The following CCSER1 variants were observed in gnomAD, a reference collection of about 807,000 sequenced individuals.
The protein encoded by CCSER1 is coiled-coil serine rich protein 1, also known as serine-rich coiled-coil domain-containing protein 1.
A neutral mutation model predicts 82.0 loss-of-function variants in CCSER1; 41 were observed. The ratio of observed to expected loss-of-function variants is 0.50; its 90% CI spans 0.39 to 0.65. The LOEUF (loss-of-function observed/expected upper bound fraction) is 0.65, where lower values mean the gene tolerates loss of function less well. CCSER1 is among the 30% of genes least tolerant of loss of function. The pLI is 0.00. For missense variants in CCSER1, 1,119 were observed against 1,064.2 expected, an observed-to-expected ratio of 1.05 and a Z score of -0.72; for synonymous variants, 414 against 383.9, an observed-to-expected ratio of 1.08 and a Z score of -0.92.
At chr4:91,134,103 A>C (rs1728246739) in intron 10 of CCSER1, among the ~76,000 whole-genome samples, 1 of 152,208 alleles carries the variant, frequency 6.6e-6, no homozygotes, top group Non-Finnish European at 1.5e-5. Context: ...TGTCTCAAAA[A>C]AAGAGTAGTG....
chr4:90,559,633 C>T (rs994959376), intron 5 of CCSER1, among the ~76,000 whole-genome samples: 34 of 151,724 alleles, frequency 2.2e-4, no homozygotes, highest in African/African-American at 6.8e-4. Flanking sequence ...CCAGCCTGGG[C>T]AATATGGCAA....
At chr4:90,798,636 A>T (rs547011114) in intron 7 of CCSER1, among the ~76,000 whole-genome samples, 1 of 152,282 alleles carries the variant, frequency 6.6e-6, no homozygotes, top group African/African-American at 2.4e-5. Flanking sequence ...GATATTGCTG[A>T]CATTTGCATG....
At chr4:90,918,469 G>C (rs1727853374) in intron 8 of CCSER1, 1 of 329,530 alleles carries the variant, frequency 3.0e-6, no homozygotes, top group Non-Finnish European at 6.0e-6. Context: ...CATTTTAAAA[G>C]CCAGTTGTAC....
At chr4:91,418,233 G>A (rs1397397805) in intron 10 of CCSER1, among the ~76,000 whole-genome samples, 1 of 131,498 alleles carries the variant, frequency 7.6e-6, no homozygotes, top group Non-Finnish European at 1.6e-5. Flanking sequence ...ATACAGATTA[G>A]AACTGAAATA....
chr4:90,734,249 T>C (rs754439353), intron 7 of CCSER1, among the ~76,000 whole-genome samples: 10 of 151,806 alleles, frequency 6.6e-5, no homozygotes, highest in Admixed American at 1.3e-4. Context: ...CCTCTGCCTC[T>C]CAAGTAGCTG....
intron 10 of CCSER1, among the ~76,000 whole-genome samples, chr4:91,295,479 T>C (rs114263905): frequency 0.011 from 1,695 of 152,056 alleles, 12 homozygotes; most frequent in Non-Finnish European, 0.017. Flanking sequence ...GTTATCTAAA[T>C]GGTTATATAT....
At chr4:90,314,147 T>G (rs1332551168) in intron 3 of CCSER1, among the ~76,000 whole-genome samples, 2 of 152,180 alleles carry the variant, frequency 1.3e-5, no homozygotes, top group Non-Finnish European at 2.9e-5. Flanking sequence ...CCTGGGCAAA[T>G]TTGTAACCAC....
intron 10 of CCSER1, chr4:91,130,050 A>C (rs774544825): frequency 2.6e-5 from 4 of 151,958 alleles, no homozygotes; most frequent in Non-Finnish European, 5.9e-5. Context: ...ATACATTTTA[A>C]TATACAATTT....
At chr4:91,096,621 C>T (rs184683507) in intron 10 of CCSER1, among the ~76,000 whole-genome samples, 25 of 152,220 alleles carry the variant, frequency 1.6e-4, no homozygotes, top group African/African-American at 4.6e-4. Flanking sequence ...ACCTCTAATT[C>T]GGGCCAATCT....
chr4:91,498,446 G>C (rs1305365168), intron 10 of CCSER1, among the ~76,000 whole-genome samples: 2 of 121,772 alleles, frequency 1.6e-5, no homozygotes, highest in Admixed American at 1.7e-4. Context: ...CATCGTCTTT[G>C]TTCTATTTAT....
At chr4:91,023,605 T>G (rs1457326379) in intron 9 of CCSER1, among the ~76,000 whole-genome samples, 1 of 152,196 alleles carries the variant, frequency 6.6e-6, no homozygotes, top group Non-Finnish European at 1.5e-5. Flanking sequence ...GCTAGTCATA[T>G]GCAGAAAGCT....
Position 90,692,035 on chromosome 4 carries a change from GTATATATATATATATA to G in CCSER1, c.1933-31859_1933-31844del, listed in dbSNP as rs60193331. ...AATATTCTTTTACAATTCAATGTGT[GTATATATATATATATA>G]TATATATATATATATATATGATAAA... On this transcript the variant is annotated intron_variant, in intron 6 of 10. Coordinates refer to ENST00000509176, the MANE Select transcript of CCSER1 (RefSeq NM_001145065.2). Among the ~76,000 whole-genome samples, 1,186 of 142,924 alleles carry G rather than the reference GTATATATATATATATA, an allele frequency of 8.3e-3. 1 individual carries two copies. Among genetic ancestry groups the G allele is most frequent in the Middle Eastern group, 0.023 (6 of 266 alleles). The allele number at this position is 142,924 out of a possible 152,430, so 93.8% of individuals were successfully genotyped here. A position where few individuals can be genotyped will look rare whatever the true frequency, so the allele number is the denominator to read the frequency against.
intron 5 of CCSER1, among the ~76,000 whole-genome samples, chr4:90,611,459 C>T (rs1785489173): frequency 6.6e-6 from 1 of 151,934 alleles, no homozygotes; most frequent in African/African-American, 2.4e-5. Context: ...TTATTCAAAT[C>T]TCAGTTGGTT....
intron 10 of CCSER1, among the ~76,000 whole-genome samples, chr4:91,590,384 G>A (rs112378074): frequency 7.0e-4 from 106 of 152,212 alleles, no homozygotes; most frequent in African/African-American, 2.5e-3. Context: ...TGCTTGCAAA[G>A]CAGTAACTAC....
At chr4:90,746,357 A>G (rs1747471811) in intron 7 of CCSER1, among the ~76,000 whole-genome samples, 1 of 152,216 alleles carries the variant, frequency 6.6e-6, no homozygotes, top group Non-Finnish European at 1.5e-5. Context: ...CCTCTCAAAT[A>G]TTTTATCCTA....
chr4:91,002,556 A>G (rs1278861614), intron 9 of CCSER1, among the ~76,000 whole-genome samples: 2 of 152,072 alleles, frequency 1.3e-5, no homozygotes, highest in East Asian at 3.9e-4. Flanking sequence ...TTTCCAGAGC[A>G]TTTTGCATTT....
At chr4:90,539,917 G>A (rs1232461851) in intron 5 of CCSER1, among the ~76,000 whole-genome samples, 1 of 152,018 alleles carries the variant, frequency 6.6e-6, no homozygotes, top group African/African-American at 2.4e-5. Context: ...GAATGTAGAA[G>A]GAGAGGTTGG....
intron 8 of CCSER1, among the ~76,000 whole-genome samples, chr4:90,834,374 G>C (rs1761519168): frequency 6.6e-6 from 1 of 152,146 alleles, no homozygotes; most frequent in Admixed American, 6.5e-5. Flanking sequence ...ATAAAGAATT[G>C]ATAATGAACA....
chr4:91,043,508 CAT>C (rs926413947), intron 9 of CCSER1, among the ~76,000 whole-genome samples: 3 of 148,900 alleles, frequency 2.0e-5, no homozygotes, highest in East Asian at 2.0e-4. Flanking sequence ...GAAAGTAAAA[CAT>C]ATAGAGCGTC....
Sources: gnomAD v4.1 joint callset for allele counts (sites outside exome capture counted in the v4.1 genomes callset) on GRCh38, gnomAD v4.1.1 for gene constraint, MANE v1.5 for transcripts, NCBI Gene and HGNC (gene_info 2026-07-23, HGNC 2026-07-21) for gene names.